The following DHRS12 variants were observed in gnomAD, a reference collection of about 807,000 sequenced individuals.
DHRS12 encodes the protein dehydrogenase/reductase 12, also known as dehydrogenase/reductase SDR family member 12.
In DHRS12, 29 loss-of-function variants were observed where a neutral mutation model predicts 32.1. The observed-to-expected ratio is 0.90, with a 90% CI of 0.67 to 1.23. DHRS12 has a LOEUF of 1.23. Ranked by LOEUF, DHRS12 falls within the 50% of genes most tolerant of loss-of-function variation. DHRS12 has a pLI of 0.00. For missense variants in DHRS12, 330 were observed against 337.2 expected (o/e 0.98, Z 0.17); for synonymous variants, 150 against 135.9 (o/e 1.10, Z -0.72).
At chr13:51,785,218 A>C (rs1954899447) in intron 4 of DHRS12, among the ~76,000 whole-genome samples, 1 of 151,964 alleles carries the variant, frequency 6.6e-6, no homozygotes, top group African/African-American at 2.4e-5. Context: ...ACAGAGCGAG[A>C]CTCTGTCTCA....
At position 51,769,287 on chromosome 13, in the gene DHRS12, C is replaced by T; in HGVS notation, c.566G>A (p.Arg189Lys). 3 of 1,573,274 alleles carry T rather than the reference C, an allele frequency of 1.9e-6. No individual in the cohort carries two copies. Among genetic ancestry groups the T allele is most frequent in the Non-Finnish European group, 2.6e-6 (3 of 1,157,812 alleles). Residue 189 changes from arginine to lysine, a missense_variant, in exon 8 of 9, where the codon AGG (arginine) becomes AAG (lysine). Arg to Lys is a conservative substitution (Grantham distance 26, BLOSUM62 2). Coordinates refer to ENST00000444610, the MANE Select transcript of DHRS12 (RefSeq NM_001377533.1). ...GGCGTGGAACCCCGGCATCGCCTGC[C>T]TCACACCTGGGAGAAGGAAGGGTCA... is the stretch of plus-strand genomic sequence containing the variant. ...HPGWADTPGVRQAMPGFHARF... is the reference protein window; with the variant it reads ...HPGWADTPGVKQAMPGFHARF...
Position 51,801,463 on chromosome 13 carries a change from C to T in DHRS12, c.-8-1796G>A, listed in dbSNP as rs113146906. ...TTGGCTTCCCAAAATGCTGGGATTACAGGCATAAGCCACCGCACCCAGGTG... is the reference window on the plus strand; with the variant it reads ...TTGGCTTCCCAAAATGCTGGGATTATAGGCATAAGCCACCGCACCCAGGTG... On this transcript the variant is annotated intron_variant, in intron 1 of 8. Transcript: ENST00000444610. Among the ~76,000 whole-genome samples, 1,291 of 152,330 alleles carry T rather than the reference C, an allele frequency of 8.5e-3. 21 individuals carry two copies. Among genetic ancestry groups the T allele is most frequent in the African/African-American group, 0.029 (1,226 of 41,568 alleles).
chr13:51,786,509 C>G (rs1954963535), intron 4 of DHRS12, among the ~76,000 whole-genome samples: 1 of 152,216 alleles, frequency 6.6e-6, no homozygotes, highest in African/African-American at 2.4e-5. Context: ...CTCCTGCAAT[C>G]TCTTCCCCTC....
chr13:51,784,123 A>T (rs540306769), intron 4 of DHRS12, among the ~76,000 whole-genome samples: 16 of 152,260 alleles, frequency 1.1e-4, no homozygotes, highest in South Asian at 4.2e-4. Flanking sequence ...AACTGGAGGA[A>T]CTGGACTACA....
In DHRS12 at chr13:51,771,842, G is replaced by C. The variant is rs773770806; in HGVS notation, c.538C>G (p.Pro180Ala). 6.2e-6 allele frequency: 10 copies of C among 1,614,174 alleles called. No homozygotes were observed. In the South Asian group the frequency reaches 9.9e-5, roughly 16 times the overall value. The change falls in exon 7 of 9, where the codon CCT becomes GCT. Residue 180 changes from proline to alanine, a missense_variant. Coordinates refer to ENST00000444610, the MANE Select transcript of DHRS12 (RefSeq NM_001377533.1). Reference protein sequence around the residue: ...HPAIHFSSMHPGWADTPGVRQ... With the variant: ...HPAIHFSSMHAGWADTPGVRQ... ...ATACCTGGGGTGTCGGCCCAGCCAG[G>C]ATGCATGGAAGAAAAATGGATGGCC...
chr13:51,787,433 C>T (rs1566295644), intron 4 of DHRS12, among the ~76,000 whole-genome samples: 1 of 151,982 alleles, frequency 6.6e-6, no homozygotes, highest in African/African-American at 2.4e-5. Flanking sequence ...GTCACCCCCT[C>T]CCAGTACTTC....
intron 8 of DHRS12, chr13:51,768,813 GTCC>G: frequency 7.9e-7 from 1 of 1,261,790 alleles, no homozygotes; most frequent in Non-Finnish European, 1.0e-6. Context: ...GAGAAGCAGA[GTCC>G]GTTACTCCCT....
Position 51,791,065 on chromosome 13 carries a change from C to A in DHRS12, c.219+100G>T, listed in dbSNP as rs1482523948. 21 of 757,866 alleles carry A rather than the reference C, an allele frequency of 2.8e-5. No homozygotes were observed. The South Asian group carries it at 3.1e-4, about 11-fold the overall frequency. 46.9% of individuals were successfully genotyped at this position (757,866 alleles called of 1,614,324 possible). ...AGCATAAGAGAGTCTTACTAAGATT[C>A]TTCCATAAAGACAGGCAAACATACA... On this transcript the variant is annotated intron_variant, in intron 3 of 8. Coordinates refer to ENST00000444610, the MANE Select transcript of DHRS12 (RefSeq NM_001377533.1).
chr13:51,778,937 G>GTATA (rs148217619), intron 4 of DHRS12, among the ~76,000 whole-genome samples: 1 of 151,418 alleles, frequency 6.6e-6, no homozygotes, highest in Non-Finnish European at 1.5e-5. Context: ...GGGTGTCTGT[G>GTATA]TATATATATA....
chr13:51,767,954 A>G (rs1163536368), downstream of DHRS12: 3 of 1,331,034 alleles, frequency 2.3e-6, no homozygotes, highest in Admixed American at 6.6e-5. Flanking sequence ...ATTCTCGAAT[A>G]AATGAGACTT....
intron 2 of DHRS12, among the ~76,000 whole-genome samples, chr13:51,796,818 C>T (rs1048100658): frequency 1.3e-5 from 2 of 152,240 alleles, no homozygotes; most frequent in African/African-American, 4.8e-5. Context: ...GACCCTCACA[C>T]TTGCCGCCAG....
At chr13:51,783,408 T>G (rs1361438065) in intron 4 of DHRS12, among the ~76,000 whole-genome samples, 2 of 152,152 alleles carry the variant, frequency 1.3e-5, no homozygotes, top group African/African-American at 4.8e-5. Flanking sequence ...TGAAACAGAC[T>G]CACTACATGC....
intron 1 of DHRS12, among the ~76,000 whole-genome samples, chr13:51,803,236 G>T (rs186980635): frequency 6.6e-6 from 1 of 152,300 alleles, no homozygotes; most frequent in East Asian, 1.9e-4. Context: ...CCAGTGCAGG[G>T]AGAAGCCTCT....
intron 1 of DHRS12, among the ~76,000 whole-genome samples, chr13:51,800,531 C>T (rs1276179660): frequency 6.6e-6 from 1 of 152,244 alleles, no homozygotes; most frequent in South Asian, 2.1e-4. Flanking sequence ...GAGCTTACAT[C>T]TCTCACCTAC....
At chr13:51,755,561 G>A in the DHRS12 span, 5 of 1,112,774 alleles carry the variant, frequency 4.5e-6, no homozygotes, top group Middle Eastern at 2.0e-4. Flanking sequence ...TGTGGTGAGG[G>A]TAAATTATTA....
At chr13:51,787,812 A>C (rs1169787919) in intron 4 of DHRS12, among the ~76,000 whole-genome samples, 1 of 120,458 alleles carries the variant, frequency 8.3e-6, no homozygotes, top group Non-Finnish European at 1.7e-5. Flanking sequence ...ATTTATATAT[A>C]ATTTATATAT....
rs116965684 is a variant in DHRS12 at position 51,802,497 on chromosome 13, C to T, written c.-9+1557G>A. On this transcript the variant is annotated intron_variant, in intron 1 of 8. Coordinates refer to ENST00000444610, the MANE Select transcript of DHRS12 (RefSeq NM_001377533.1). ...TGGCAGGTATCTGTGTCTCCCCACA[C>T]CCTCAATTTACCCAAATATGAAATT... is the stretch of plus-strand genomic sequence containing the variant. 5.2e-3 allele frequency among the ~76,000 whole-genome samples: 790 copies of T among 152,312 alleles called. 10 individuals carry two copies. Among genetic ancestry groups the T allele is most frequent in the East Asian group, 0.044 (228 of 5,180 alleles).
chr13:51,785,235 A>C (rs1218196326), intron 4 of DHRS12, among the ~76,000 whole-genome samples: 2 of 152,152 alleles, frequency 1.3e-5, no homozygotes, highest in Admixed American at 6.5e-5. Flanking sequence ...CTCAAAAAAA[A>C]CCAGAATGTT....
At chr13:51,802,181 A>T (rs1955788613) in intron 1 of DHRS12, among the ~76,000 whole-genome samples, 2 of 131,742 alleles carry the variant, frequency 1.5e-5, no homozygotes, top group South Asian at 2.5e-4. Context: ...ACACACACAC[A>T]CACACACACA....
Sources: gnomAD v4.1 joint callset for allele counts (sites outside exome capture counted in the v4.1 genomes callset) on GRCh38, gnomAD v4.1.1 for gene constraint, MANE v1.5 for transcripts, NCBI Gene and HGNC (gene_info 2026-07-23, HGNC 2026-07-21) for gene names.